The following ZNF248 variants were observed in gnomAD, a reference collection of about 807,000 sequenced individuals.
ZNF248 encodes the protein zinc finger protein 248.
A neutral mutation model predicts 44.3 loss-of-function variants in ZNF248; 20 were observed. That is an observed-to-expected ratio of 0.45 (90% CI 0.32 to 0.66). The LOEUF is 0.66. Ranked by LOEUF, ZNF248 falls within the 30% of genes least tolerant of loss-of-function variation. The pLI is 0.04. For missense variants in ZNF248, 654 were observed against 677.0 expected, an observed-to-expected ratio of 0.97 and a Z score of 0.38; for synonymous variants, 224 against 229.0, an observed-to-expected ratio of 0.98 and a Z score of 0.20.
intron 6 of ZNF248, among the ~76,000 whole-genome samples, chr10:37,808,663 G>C (rs1294589512): frequency 2.6e-5 from 4 of 151,968 alleles, no homozygotes; most frequent in Non-Finnish European, 5.9e-5. Flanking sequence ...GGTTCATAAG[G>C]GATATTACTG....
the ZNF248 span, among the ~76,000 whole-genome samples, chr10:37,769,604 G>A: frequency 2.9e-3 from 442 of 152,258 alleles, 2 homozygotes; most frequent in African/African-American, 0.01. Context: ...AATAAATTAA[G>A]TATTGACGGG....
the ZNF248 span, among the ~76,000 whole-genome samples, chr10:37,764,874 G>A: frequency 1.3e-5 from 2 of 152,032 alleles, no homozygotes; most frequent in Non-Finnish European, 2.9e-5. Context: ...TCTAATTCAT[G>A]CATAAGACAT....
chr10:37,766,240 T>G, the ZNF248 span, among the ~76,000 whole-genome samples: 1 of 152,346 alleles, frequency 6.6e-6, no homozygotes, highest in South Asian at 2.1e-4. Context: ...TGTCCCTGTC[T>G]GACAGCTTTG....
At chr10:37,815,778 G>A (rs1222731477) in intron 6 of ZNF248, among the ~76,000 whole-genome samples, 1 of 151,884 alleles carries the variant, frequency 6.6e-6, no homozygotes, top group Non-Finnish European at 1.5e-5. Flanking sequence ...ATTACCCAAG[G>A]TTTGCTAGGC....
chr10:37,798,178 A>C (rs2049374497), intron 6 of ZNF248, among the ~76,000 whole-genome samples: 1 of 152,162 alleles, frequency 6.6e-6, no homozygotes, highest in African/African-American at 2.4e-5. Flanking sequence ...ATGAATCTTG[A>C]AAATATTATG....
intron 6 of ZNF248, among the ~76,000 whole-genome samples, chr10:37,822,702 G>A (rs2053673660): frequency 6.6e-6 from 1 of 152,106 alleles, no homozygotes; most frequent in Admixed American, 6.6e-5. Flanking sequence ...AGGAAGAAAT[G>A]TCTTTGGCCA....
At chr10:37,776,347 A>G (rs574302846), downstream of ZNF248, 2 of 367,528 alleles carry the variant, frequency 5.4e-6, no homozygotes, top group Non-Finnish European at 9.7e-6. Context: ...GACCTTCTGG[A>G]TGTGATAACA....
In ZNF248 at chr10:37,830,020, A is replaced by AG; in HGVS notation, c.*1594dup. 1 of 985,408 alleles carries AG rather than the reference A, an allele frequency of 1.0e-6. No individual in the cohort carries two copies. Among genetic ancestry groups the AG allele is most frequent in the Non-Finnish European group, 1.2e-6 (1 of 829,934 alleles). The allele number at this position is 985,408 out of a possible 1,614,324, so 61.0% of individuals were successfully genotyped here. ...TAGAACTGCTGACCAATGTGTTCCA[A>AG]GGGGGCAAAAGAAACAACAGGACAA... On this transcript the variant is annotated 3_prime_UTR_variant, in exon 6 of 6. Transcript: ENST00000395867.
chr10:37,817,984 C>T (rs1435412002), intron 6 of ZNF248, among the ~76,000 whole-genome samples: 4 of 152,038 alleles, frequency 2.6e-5, no homozygotes, highest in South Asian at 2.1e-4. Flanking sequence ...GGCGTGATCT[C>T]GGCTCACTGC....
intron 6 of ZNF248, among the ~76,000 whole-genome samples, chr10:37,794,033 T>G (rs1398930012): frequency 6.7e-6 from 1 of 148,504 alleles, no homozygotes; most frequent in Non-Finnish European, 1.5e-5. Flanking sequence ...ATATACAAGG[T>G]TTTTTTTATT....
chr10:37,825,632 G>A (rs2054258107), downstream of ZNF248, among the ~76,000 whole-genome samples: 1 of 151,990 alleles, frequency 6.6e-6, no homozygotes, highest in South Asian at 2.1e-4. Flanking sequence ...GTAGAGACAG[G>A]GTTTCACCAT....
the ZNF248 span, among the ~76,000 whole-genome samples, chr10:37,769,043 A>G: frequency 6.6e-6 from 1 of 152,212 alleles, no homozygotes; most frequent in Non-Finnish European, 1.5e-5. Flanking sequence ...AAATTCCTCG[A>G]CACATACACT....
Position 37,837,688 on chromosome 10 carries a change from A to G in ZNF248, c.167T>C (p.Val56Ala). ...SVGYCITKPE[V>A]IFKIEQGEEP... ...TTCTCCTTGCTCGATCTTAAAGATC[A>G]CTTCTGGTTTAGTAATGCAATACCC... Residue 56 changes from valine (V) to alanine (A), a missense_variant, in exon 5 of 6, where the codon GTG (valine) becomes GCG (alanine). Transcript: ENST00000395867. The G allele has an allele frequency of 6.2e-7, 1 of 1,614,116 alleles. No individual in the cohort carries two copies. The highest frequency in any genetic ancestry group is 2.2e-5 in the East Asian group (1 of 44,866).
chr10:37,791,299 C>T (rs907418616), intron 6 of ZNF248, among the ~76,000 whole-genome samples: 8 of 151,970 alleles, frequency 5.3e-5, no homozygotes, highest in Admixed American at 2.0e-4. Context: ...ACCTCGGCCT[C>T]CCAAAGTGCT....
At position 37,795,728 on chromosome 10, in the gene ZNF248, C is replaced by T. The variant is rs1219208219; in HGVS notation, c.331-19153G>A. On this transcript the variant is annotated intron_variant, in intron 6 of 6. Transcript: ENST00000615949. ...TATCACATTCATGAGGCACCTTTCT[C>T]ATGCAGTTTCTATTACTAATCATTA... is the stretch of plus-strand genomic sequence containing the variant. 2.0e-5 allele frequency: 3 copies of T among 152,284 alleles called. 1 individual carries two copies. The highest frequency in any genetic ancestry group is 6.8e-3 in the Middle Eastern group (2 of 294). The allele number at this position is 152,284 out of a possible 1,614,324, so 9.4% of individuals were successfully genotyped here. A position where few individuals can be genotyped will look rare whatever the true frequency, so the allele number is the denominator to read the frequency against.
At chr10:37,848,124 T>A (rs770951252) in intron 3 of ZNF248, among the ~76,000 whole-genome samples, 11 of 151,644 alleles carry the variant, frequency 7.3e-5, no homozygotes, top group Non-Finnish European at 1.3e-4. Flanking sequence ...CAAAAAAAAA[T>A]TAGCTGCCCA....
chr10:37,774,712 G>C (rs1022439005), downstream of ZNF248, among the ~76,000 whole-genome samples: 6 of 152,178 alleles, frequency 3.9e-5, no homozygotes, highest in Non-Finnish European at 4.4e-5. Context: ...CTTTCATGAA[G>C]AGAGTTAAAG....
the ZNF248 span, among the ~76,000 whole-genome samples, chr10:37,769,324 G>T: frequency 6.6e-6 from 1 of 152,110 alleles, no homozygotes; most frequent in Non-Finnish European, 1.5e-5. Flanking sequence ...AACCAAAAAA[G>T]AGAATTTTAG....
At chr10:37,767,453 G>A in the ZNF248 span, among the ~76,000 whole-genome samples, 1,653 of 152,310 alleles carry the variant, frequency 0.011, 36 homozygotes, top group African/African-American at 0.038. Flanking sequence ...AGCCAGAAGG[G>A]AGTGGGGGCC....
Sources: gnomAD v4.1 joint callset for allele counts (sites outside exome capture counted in the v4.1 genomes callset) on GRCh38, gnomAD v4.1.1 for gene constraint, MANE v1.5 for transcripts, NCBI Gene and HGNC (gene_info 2026-07-23, HGNC 2026-07-21) for gene names.